DEFB108B: variants seen among roughly 807,000 people sequenced by gnomAD.
DEFB108B encodes beta-defensin 108B.
DEFB108B carries 3 observed loss-of-function variants against 2.4 expected under a neutral mutation model. The observed-to-expected ratio is 1.25, with a 90% CI of 0.57 to 3.24. The LOEUF is 3.24. Ranked by LOEUF, DEFB108B falls within the 30% of genes most tolerant of loss-of-function variation. The pLI is 0.03. For synonymous variants in DEFB108B, 25 were observed against 28.7 expected (o/e 0.87, Z 0.41); for missense variants, 101 against 87.8 (o/e 1.15, Z -0.60).
chr11:71,836,188 C>T (rs1456401457), intron 1 of DEFB108B, among the ~76,000 whole-genome samples: 2 of 152,174 alleles, frequency 1.3e-5, no homozygotes, highest in Non-Finnish European at 2.9e-5. Context: ...CTTGTTTCTA[C>T]TAAGTGACCA....
chr11:71,833,950 T>A (rs543808547), intron 1 of DEFB108B, among the ~76,000 whole-genome samples: 38 of 152,322 alleles, frequency 2.5e-4, no homozygotes, highest in African/African-American at 7.9e-4. Flanking sequence ...TAGGACTTCT[T>A]GGATTTGCCC....
At chr11:71,834,644 C>T (rs1952203540) in intron 1 of DEFB108B, 1 of 152,194 alleles carries the variant, frequency 6.6e-6, no homozygotes, top group South Asian at 2.1e-4. Context: ...GGCACCTCCT[C>T]TGGATGTCCT....
At position 71,834,535 on chromosome 11, in the gene DEFB108B, A is replaced by T. The variant is rs780387000; in HGVS notation, c.58+1278A>T. Among the ~76,000 whole-genome samples, 3 of 152,236 alleles carry T rather than the reference A, an allele frequency of 2.0e-5. No homozygotes were observed. In the East Asian group the frequency reaches 5.8e-4, roughly 29 times the overall value. On this transcript the variant is annotated intron_variant, in intron 1 of 1. Transcript: ENST00000328698. ...ATAGAAGCAACTAATTGGATAGAAC[A>T]GCACAGGCAGAAGCATTACTCACAG... is the stretch of plus-strand genomic sequence containing the variant.
At chr11:71,835,905 C>T (rs1437734652) in intron 1 of DEFB108B, among the ~76,000 whole-genome samples, 2 of 152,138 alleles carry the variant, frequency 1.3e-5, no homozygotes, top group Admixed American at 6.5e-5. Flanking sequence ...AATTCATTAT[C>T]AAGAATTGAG....
intron 1 of DEFB108B, among the ~76,000 whole-genome samples, chr11:71,834,167 A>G (rs1011970328): frequency 2.6e-5 from 4 of 152,208 alleles, no homozygotes; most frequent in African/African-American, 9.7e-5. Context: ...GGCTTTCCCT[A>G]ATACATCCCA....
chr11:71,837,485 T>C lies in DEFB108B; in HGVS notation c.145T>C (p.Cys49Arg). 6.2e-7 allele frequency: 1 copy of C among 1,611,998 alleles called. No individual in the cohort carries two copies. The highest frequency in any genetic ancestry group is 2.2e-5 in the East Asian group (1 of 44,892). The change falls in exon 2 of 2, where the codon TGT (cysteine) becomes CGT (arginine). Residue 49 changes from cysteine (C) to arginine (R), a missense_variant. Physicochemically the swap from Cys to Arg is radical, Grantham distance 180 (BLOSUM62 -3). Coordinates refer to ENST00000328698, the MANE Select transcript of DEFB108B (RefSeq NM_001002035.2). ...TGAAACAGAAATCCATGTTGGGAGA[T>C]GTTTAAATAGCCAACCCTGCTGCCT... ...CLETEIHVGR[C>R]LNSQPCCLPL...
chr11:71,834,332 G>A (rs1952201144), intron 1 of DEFB108B, among the ~76,000 whole-genome samples: 2 of 152,096 alleles, frequency 1.3e-5, no homozygotes, highest in African/African-American at 4.8e-5. Context: ...CCTAGTACTT[G>A]TTAAATAGTC....
chr11:71,835,648 G>C (rs1461999174), intron 1 of DEFB108B, among the ~76,000 whole-genome samples: 1 of 152,116 alleles, frequency 6.6e-6, no homozygotes, highest in Non-Finnish European at 1.5e-5. Flanking sequence ...TAAGTTTCTT[G>C]AAAAGTGGTT....
Position 71,833,421 on chromosome 11 carries a change from A to G in DEFB108B, c.58+164A>G, listed in dbSNP as rs57664435. On this transcript the variant is annotated intron_variant, in intron 1 of 1. Coordinates refer to ENST00000328698, the MANE Select transcript of DEFB108B (RefSeq NM_001002035.2). ...CAGCCATCTAATTCATTAATTCTCC[A>G]TAGCAACTCAGTTAAATGAAGTCAA... 3.9e-3 allele frequency among the ~76,000 whole-genome samples: 591 copies of G among 152,320 alleles called. 16 individuals are homozygous for G. The highest frequency in any genetic ancestry group is 0.029 in the Admixed American group (441 of 15,304).
chr11:71,835,040 C>G (rs1318458363), intron 1 of DEFB108B, among the ~76,000 whole-genome samples: 1 of 152,118 alleles, frequency 6.6e-6, no homozygotes, highest in Admixed American at 6.5e-5. Context: ...TGTAAATGAA[C>G]AATGGTACAT....
chr11:71,836,189 T>C (rs538971786), intron 1 of DEFB108B, among the ~76,000 whole-genome samples: 145 of 152,332 alleles, frequency 9.5e-4, no homozygotes, highest in Non-Finnish European at 1.9e-3. Flanking sequence ...TTGTTTCTAC[T>C]AAGTGACCAA....
chr11:71,837,306 T>C (rs906566008), intron 1 of DEFB108B, 93 bp from the exon 2 acceptor site: 23 of 1,466,090 alleles, frequency 1.6e-5, no homozygotes, highest in Non-Finnish European at 2.0e-5. Flanking sequence ...CCACACAAGA[T>C]TATTTTCAAG....
At chr11:71,835,313 C>A (rs919145796) in intron 1 of DEFB108B, among the ~76,000 whole-genome samples, 1 of 152,076 alleles carries the variant, frequency 6.6e-6, no homozygotes, top group Non-Finnish European at 1.5e-5. Context: ...TGCTCGGCCC[C>A]CCCTTATAAC....
intron 1 of DEFB108B, among the ~76,000 whole-genome samples, chr11:71,835,865 G>A (rs1164815737): frequency 6.6e-6 from 1 of 152,156 alleles, no homozygotes; most frequent in East Asian, 1.9e-4. Context: ...ACATACAGAG[G>A]AGAATAAGAT....
At chr11:71,833,618 G>A (rs1478998450) in intron 1 of DEFB108B, among the ~76,000 whole-genome samples, 2 of 152,204 alleles carry the variant, frequency 1.3e-5, no homozygotes, top group Non-Finnish European at 2.9e-5. Flanking sequence ...ACTGGCATAA[G>A]AGCTATGCCA....
intron 1 of DEFB108B, 28 bp downstream of exon 1, chr11:71,833,285 A>G: frequency 6.4e-7 from 1 of 1,555,274 alleles, no homozygotes; most frequent in Non-Finnish European, 8.8e-7. Flanking sequence ...GTAAGAGTAG[A>G]GTGCCTAACA....
In DEFB108B at chr11:71,834,468, TA is replaced by T. The variant is rs539085746; in HGVS notation, c.58+1214del. The stretch of plus-strand genomic sequence containing the variant: ...AAGGTTTAAAAATTCCAAATTTGGA[TA>T]AACAAATTTTTTTTGTTGTTTTCAT... On this transcript the variant is annotated intron_variant, in intron 1 of 1. Transcript: ENST00000328698. Among the ~76,000 whole-genome samples the T allele has an allele frequency of 3.9e-3, 597 of 152,352 alleles. 4 individuals carry two copies. The highest frequency in any genetic ancestry group is 5.9e-3 in the Admixed American group (91 of 15,304).
chr11:71,837,410 T>C lies in DEFB108B; in HGVS notation c.70T>C (p.Phe24Leu). Residue 24 changes from phenylalanine to leucine, a missense_variant, in exon 2 of 2, where the codon TTC becomes CTC. Transcript: ENST00000328698. ...TCTTCTTCATGTAGCCAGGGGCAAATTCAAGGAGATCTGTGAACGTCCAAA... is the reference window on the plus strand; with the variant it reads ...TCTTCTTCATGTAGCCAGGGGCAAACTCAAGGAGATCTGTGAACGTCCAAA... ...MSQVLPARGK[F>L]KEICERPNGS... is the part of the protein sequence containing the mutation. 1.2e-6 allele frequency: 2 copies of C among 1,611,796 alleles called. No individual in the cohort carries two copies. The highest frequency in any genetic ancestry group is 1.7e-6 in the Non-Finnish European group (2 of 1,179,744).
At chr11:71,833,330 C>T (rs1223497720) in intron 1 of DEFB108B, 73 bp downstream of exon 1, 3 of 1,585,708 alleles carry the variant, frequency 1.9e-6, no homozygotes, top group Admixed American at 1.8e-5. Flanking sequence ...GAGAAATCAC[C>T]ATCACCTATA....
Sources: allele counts gnomAD v4.1 joint callset (sites outside exome capture counted in the v4.1 genomes callset), GRCh38; gene constraint gnomAD v4.1.1; transcripts MANE v1.5; gene names NCBI Gene and HGNC (gene_info 2026-07-23, HGNC 2026-07-21).